The following LCA5 variants were observed in gnomAD, a reference collection of about 807,000 sequenced individuals.
LCA5 encodes lebercilin.
Under a neutral mutation model 53.0 loss-of-function variants are expected in LCA5, and 37 were observed. The ratio of observed to expected loss-of-function variants is 0.70; its 90% CI spans 0.54 to 0.92. LCA5 has a LOEUF of 0.92. LCA5 is among the 40% of genes least tolerant of loss of function. The pLI, the probability that LCA5 is intolerant of heterozygous loss-of-function variation, is 0.00. For missense variants in LCA5, 806 were observed against 790.5 expected (o/e 1.02, Z -0.23); for synonymous variants, 303 against 282.9 (o/e 1.07, Z -0.71).
intron 4 of LCA5, 127 bp downstream of exon 4, chr6:79,493,481 AAAGAT>A (rs1386670560): frequency 3.2e-5 from 28 of 865,176 alleles, no homozygotes; most frequent in African/African-American, 1.9e-4. Flanking sequence ...TCTAAGTGCT[AAAGAT>A]AATATCAGAA....
intron 6 of LCA5, among the ~76,000 whole-genome samples, chr6:79,490,572 T>G (rs1051408878): frequency 6.6e-6 from 1 of 152,166 alleles, no homozygotes; most frequent in Non-Finnish European, 1.5e-5. Flanking sequence ...TTCCTCACTT[T>G]GTGATTTCAA....
chr6:79,531,902 C>T (rs1766971021), intron 1 of LCA5, among the ~76,000 whole-genome samples: 1 of 152,162 alleles, frequency 6.6e-6, no homozygotes, highest in South Asian at 2.1e-4. Context: ...TACACTCTCT[C>T]CTTAGGTGAT....
chr6:79,526,545 A>AAAAACAAAAC (rs60323724), intron 1 of LCA5, among the ~76,000 whole-genome samples: 2 of 152,206 alleles, frequency 1.3e-5, no homozygotes, highest in African/African-American at 4.8e-5. Context: ...CACCGTCTCA[A>AAAAACAAAAC]AAAACAAAAC....
At chr6:79,495,615 G>A (rs942851076) in intron 3 of LCA5, among the ~76,000 whole-genome samples, 5 of 151,940 alleles carry the variant, frequency 3.3e-5, no homozygotes, top group South Asian at 2.1e-4. Flanking sequence ...GCCAGGTGTG[G>A]TGGCACGCGC....
At chr6:79,499,761 T>C (rs989098802) in intron 3 of LCA5, among the ~76,000 whole-genome samples, 10 of 151,194 alleles carry the variant, frequency 6.6e-5, no homozygotes, top group Non-Finnish European at 1.5e-4. Context: ...TAGTTACATA[T>C]GTATACATGT....
At chr6:79,496,319 G>C (rs982914207) in intron 3 of LCA5, among the ~76,000 whole-genome samples, 1 of 152,086 alleles carries the variant, frequency 6.6e-6, no homozygotes, top group African/African-American at 2.4e-5. Flanking sequence ...TCCACACTTA[G>C]GTCTTTACAC....
At chr6:79,494,588 T>C (rs1371834168) in intron 3 of LCA5, among the ~76,000 whole-genome samples, 1 of 152,074 alleles carries the variant, frequency 6.6e-6, no homozygotes, top group Non-Finnish European at 1.5e-5. Flanking sequence ...AGTTACAATC[T>C]CATTACATTG....
In LCA5 at chr6:79,513,359, A is replaced by C; in HGVS notation, c.573T>G (p.Asp191Glu). 6.2e-7 allele frequency: 1 copy of C among 1,613,832 alleles called. No individual in the cohort carries two copies. Among genetic ancestry groups the C allele is most frequent in the Non-Finnish European group, 8.5e-7 (1 of 1,179,894 alleles). ...TTGTCCTAAATAGTTCACTTTCTGT[A>C]TCTTTTACCCTTTTCTCAGTTGCCC... is the stretch of plus-strand genomic sequence containing the variant. Reference protein sequence around the residue: ...KERATEKRVKDTESELFRTKF... With the variant: ...KERATEKRVKETESELFRTKF... The change falls in exon 3 of 8, where the codon GAT (aspartate) becomes GAG (glutamate). Residue 191 changes from aspartate to glutamate, a missense_variant. Coordinates refer to ENST00000369846, the MANE Select transcript of LCA5 (RefSeq NM_001122769.3).
At chr6:79,525,740 G>A (rs1356606064) in intron 1 of LCA5, among the ~76,000 whole-genome samples, 1 of 152,218 alleles carries the variant, frequency 6.6e-6, no homozygotes, top group Non-Finnish European at 1.5e-5. Context: ...GGACCCAGTA[G>A]GGCAAGGCCT....
At chr6:79,499,681 CTTTT>C (rs1008971980) in intron 3 of LCA5, among the ~76,000 whole-genome samples, 1 of 149,494 alleles carries the variant, frequency 6.7e-6, no homozygotes, top group Non-Finnish European at 1.5e-5. Flanking sequence ...TTTTTTTTTC[CTTTT>C]TTTTAAATTT....
chr6:79,517,451 A>C (rs1256800618), intron 2 of LCA5, among the ~76,000 whole-genome samples: 1 of 152,112 alleles, frequency 6.6e-6, no homozygotes, highest in African/African-American at 2.4e-5. Flanking sequence ...CTAAGGTTCA[A>C]CCTTAAGATC....
intron 1 of LCA5, among the ~76,000 whole-genome samples, chr6:79,535,179 G>C (rs1767074508): frequency 6.6e-6 from 1 of 152,146 alleles, no homozygotes; most frequent in African/African-American, 2.4e-5. Context: ...GATGGCACTG[G>C]CTGGGGAGTA....
At chr6:79,512,263 C>T (rs1017717721) in intron 3 of LCA5, among the ~76,000 whole-genome samples, 1 of 151,982 alleles carries the variant, frequency 6.6e-6, no homozygotes, top group Non-Finnish European at 1.5e-5. Flanking sequence ...TTATTGGAAT[C>T]TACATAATAG....
rs1435829195 is a variant in LCA5 at position 79,535,694 on chromosome 6, T to C, written c.-192+1471A>G. ...AAATACCAAAAATTAGCTACAAAAG[T>C]TTGACAGTAACTCAAAAGTTCCAGA... On this transcript the variant is annotated intron_variant, in intron 1 of 7. Coordinates refer to ENST00000369846, the MANE Select transcript of LCA5 (RefSeq NM_001122769.3). Among the ~76,000 whole-genome samples the C allele has an allele frequency of 2.6e-5, 4 of 152,222 alleles. No homozygotes were observed. In the East Asian group the frequency reaches 7.7e-4, roughly 29 times the overall value.
At chr6:79,501,562 C>T (rs991597552) in intron 3 of LCA5, among the ~76,000 whole-genome samples, 32 of 151,710 alleles carry the variant, frequency 2.1e-4, no homozygotes, top group Non-Finnish European at 1.5e-4. Context: ...TATTTTCAAC[C>T]AGTCCATACT....
intron 7 of LCA5, chr6:79,488,834 T>A (rs1562094120): frequency 1.9e-6 from 1 of 526,542 alleles, no homozygotes; most frequent in Non-Finnish European, 3.3e-6. Flanking sequence ...CAGAATTTTC[T>A]GAATGCAACT....
rs2127680039 is a variant in LCA5 at position 79,513,394 on chromosome 6, CTT to C, written c.536_537del (p.Gln179ArgfsTer7). 3 of 1,613,922 alleles carry C rather than the reference CTT, an allele frequency of 1.9e-6. No individual in the cohort carries two copies. Among genetic ancestry groups the C allele is most frequent in the Non-Finnish European group, 2.5e-6 (3 of 1,179,916 alleles). ...TALKERLRKS[Q>X]EKERATEKRV... ...CTTTTCTCAGTTGCCCGTTCTTTCT[CTT>C]GAGATTTTCTTAAGCGTTCTTTGAG... is the stretch of plus-strand genomic sequence containing the variant. On this transcript the variant is annotated frameshift_variant, in exon 3 of 8. Transcript: ENST00000369846. LOFTEE classifies it high-confidence loss of function.
chr6:79,498,980 C>G (rs904855350), intron 3 of LCA5, among the ~76,000 whole-genome samples: 22 of 152,032 alleles, frequency 1.4e-4, no homozygotes, highest in Admixed American at 7.9e-4. Flanking sequence ...TTGCAAAAGT[C>G]TCAAACAAAT....
At chr6:79,508,801 T>C (rs1032943017) in intron 3 of LCA5, among the ~76,000 whole-genome samples, 3 of 152,206 alleles carry the variant, frequency 2.0e-5, no homozygotes, top group African/African-American at 7.2e-5. Context: ...CTTCTGTTTT[T>C]TCCCCTTAAT....
Sources: allele counts gnomAD v4.1 joint callset (sites outside exome capture counted in the v4.1 genomes callset), GRCh38; gene constraint gnomAD v4.1.1; transcripts MANE v1.5; gene names NCBI Gene and HGNC (gene_info 2026-07-23, HGNC 2026-07-21).